Variants in TECRL observed in about 807,000 individuals in gnomAD.
TECRL encodes the protein trans-2,3-enoyl-CoA reductase like.
In TECRL, 63 loss-of-function variants were observed where a neutral mutation model predicts 52.8. That is an observed-to-expected ratio of 1.19 (90% CI 0.97 to 1.47). TECRL has a LOEUF of 1.47. Among genes scored for constraint, TECRL ranks in the 40% most tolerant of loss-of-function variants. The pLI is 0.00. For synonymous variants in TECRL, 164 were observed against 141.9 expected (o/e 1.16, Z -1.10); for missense variants, 482 against 429.6 (o/e 1.12, Z -1.08).
chr4:64,348,271 A>C (rs1381307824), intron 2 of TECRL, among the ~76,000 whole-genome samples: 1 of 152,202 alleles, frequency 6.6e-6, no homozygotes, highest in Non-Finnish European at 1.5e-5. Flanking sequence ...AGAGAAAAAT[A>C]AAGCACAGAG....
At chr4:64,354,517 A>T (rs969217502) in intron 2 of TECRL, among the ~76,000 whole-genome samples, 4 of 152,124 alleles carry the variant, frequency 2.6e-5, no homozygotes, top group Non-Finnish European at 5.9e-5. Flanking sequence ...GAAGTAGATA[A>T]TCTTAAAGAT....
chr4:64,364,973 A>G (rs903929920), intron 2 of TECRL, among the ~76,000 whole-genome samples: 3 of 152,194 alleles, frequency 2.0e-5, no homozygotes, highest in East Asian at 1.9e-4. Context: ...CCTGAGGACA[A>G]TAACCCCGAT....
rs115446076 is a variant in TECRL at position 64,284,624 on chromosome 4, T to C, written c.833-3065A>G. Among the ~76,000 whole-genome samples the C allele has an allele frequency of 6.5e-3, 992 of 152,192 alleles. 5 individuals are homozygous for C. The highest frequency in any genetic ancestry group is 0.023 in the African/African-American group (939 of 41,554). On this transcript the variant is annotated intron_variant, in intron 9 of 11. Transcript: ENST00000381210. ...ACCACTCCCTAGAAAATCAAGGCAGTTCCAATTACAGTACTTAATTGTTCA... is the reference window on the plus strand; with the variant it reads ...ACCACTCCCTAGAAAATCAAGGCAGCTCCAATTACAGTACTTAATTGTTCA...
chr4:64,302,706 T>A lies in TECRL; in HGVS notation c.730+2460A>T, dbSNP rs563584710. Among the ~76,000 whole-genome samples, 98 of 151,484 alleles carry A rather than the reference T, an allele frequency of 6.5e-4. 3 individuals carry two copies. Among genetic ancestry groups the A allele is most frequent in the African/African-American group, 2.2e-3 (90 of 41,508 alleles). On this transcript the variant is annotated intron_variant, in intron 7 of 11. Transcript: ENST00000381210. ...ATTGGATCAATTGTCTGTTTTGTAA[T>A]CTTAAGCAGATGGGTTTAATGTGGC...
chr4:64,376,658 C>T (rs1326443045), intron 1 of TECRL, among the ~76,000 whole-genome samples: 1 of 151,778 alleles, frequency 6.6e-6, no homozygotes, highest in African/African-American at 2.4e-5. Context: ...CCCAGAGTAA[C>T]AAATATTTGT....
intron 1 of TECRL, among the ~76,000 whole-genome samples, chr4:64,375,892 C>A (rs912961999): frequency 2.6e-5 from 4 of 151,734 alleles, no homozygotes; most frequent in Non-Finnish European, 5.9e-5. Flanking sequence ...AAGTTCCATG[C>A]AAATACTTCA....
chr4:64,307,895 C>A (rs1273167438), intron 6 of TECRL, among the ~76,000 whole-genome samples: 4 of 152,100 alleles, frequency 2.6e-5, no homozygotes, highest in Non-Finnish European at 4.4e-5. Flanking sequence ...ACAGCAGTAC[C>A]GTTGAATGAC....
chr4:64,362,537 T>C lies in TECRL; in HGVS notation c.286+12635A>G, dbSNP rs140005720. On this transcript the variant is annotated intron_variant, in intron 2 of 11. Transcript: ENST00000381210. Reference sequence around the variant, plus strand: ...CACAGATTATACAAACCAGGAGGGATTGGGGCCCATATTCAGCACCATTAA... The same window carrying C: ...CACAGATTATACAAACCAGGAGGGACTGGGGCCCATATTCAGCACCATTAA... 3.7e-3 allele frequency among the ~76,000 whole-genome samples: 561 copies of C among 152,030 alleles called. 4 individuals carry two copies. Among genetic ancestry groups the C allele is most frequent in the African/African-American group, 0.013 (543 of 41,470 alleles).
At chr4:64,294,753 T>A (rs1331730166) in intron 8 of TECRL, among the ~76,000 whole-genome samples, 1 of 152,084 alleles carries the variant, frequency 6.6e-6, no homozygotes, top group Non-Finnish European at 1.5e-5. Context: ...TATTATTTTA[T>A]CTATAGCAAC....
chr4:64,304,549 C>A (rs67489022), intron 7 of TECRL, among the ~76,000 whole-genome samples: 14 of 152,048 alleles, frequency 9.2e-5, no homozygotes, highest in Non-Finnish European at 1.8e-4. Context: ...AATTGTTGAG[C>A]TTTACATTGT....
intron 1 of TECRL, among the ~76,000 whole-genome samples, chr4:64,405,699 G>A (rs1379991703): frequency 1.3e-5 from 2 of 152,044 alleles, no homozygotes; most frequent in Admixed American, 6.6e-5. Flanking sequence ...ACTCAATAAA[G>A]TAAATTATTG....
intron 9 of TECRL, among the ~76,000 whole-genome samples, chr4:64,282,656 T>C (rs1485791461): frequency 6.6e-6 from 1 of 152,036 alleles, no homozygotes; most frequent in Non-Finnish European, 1.5e-5. Flanking sequence ...TTAGAGCCTG[T>C]AGTTTATGAG....
At chr4:64,344,062 T>C (rs567759201) in intron 2 of TECRL, among the ~76,000 whole-genome samples, 1 of 152,144 alleles carries the variant, frequency 6.6e-6, no homozygotes, top group East Asian at 1.9e-4. Flanking sequence ...GTGAATCCAA[T>C]GCAAACCAGC....
At chr4:64,405,670 G>A (rs148905463) in intron 1 of TECRL, among the ~76,000 whole-genome samples, 25 of 152,094 alleles carry the variant, frequency 1.6e-4, no homozygotes, top group African/African-American at 6.0e-4. Flanking sequence ...TCACTAGGAA[G>A]TTTTTTTTAA....
chr4:64,383,996 A>C (rs951053100), intron 1 of TECRL, among the ~76,000 whole-genome samples: 1 of 152,022 alleles, frequency 6.6e-6, no homozygotes, highest in Non-Finnish European at 1.5e-5. Flanking sequence ...TGCTGTAATC[A>C]GCATCCGTAT....
intron 6 of TECRL, 131 bp downstream of exon 6, chr4:64,309,695 A>T (rs535028818): frequency 3.0e-5 from 21 of 695,204 alleles, no homozygotes; most frequent in South Asian, 3.0e-4. Context: ...TTAGGAAAAG[A>T]ATGTTTAAGT....
At chr4:64,364,230 AAC>A (rs1300474022) in intron 2 of TECRL, among the ~76,000 whole-genome samples, 2 of 152,088 alleles carry the variant, frequency 1.3e-5, no homozygotes, top group African/African-American at 4.8e-5. Context: ...ACAAAGATAC[AAC>A]ATACCAGAAT....
intron 1 of TECRL, among the ~76,000 whole-genome samples, chr4:64,393,646 T>A (rs1723709851): frequency 6.6e-6 from 1 of 151,890 alleles, no homozygotes; most frequent in African/African-American, 2.4e-5. Flanking sequence ...TGCTTCTATA[T>A]TGAGTAGTTT....
rs1560466907 is a variant in TECRL at position 64,281,029 on chromosome 4, T to C, written c.964+12A>G. ...TTTATTTTGATTAATTATCAGTATA[T>C]CTAGGTCTTACCTGGCAGTGTTTGT... On this transcript the variant is annotated intron_variant, in intron 11 of 11. Coordinates refer to ENST00000381210, the MANE Select transcript of TECRL (RefSeq NM_001010874.5). The C allele has an allele frequency of 6.3e-7, 1 of 1,592,360 alleles. No individual in the cohort carries two copies. Among genetic ancestry groups the C allele is most frequent in the African/African-American group, 1.3e-5 (1 of 74,594 alleles).
Sources: gnomAD v4.1 joint callset for allele counts (sites outside exome capture counted in the v4.1 genomes callset) on GRCh38, gnomAD v4.1.1 for gene constraint, MANE v1.5 for transcripts, NCBI Gene and HGNC (gene_info 2026-07-23, HGNC 2026-07-21) for gene names.